Variants in STK11IP observed in about 807,000 individuals in gnomAD.
STK11IP encodes the protein serine/threonine kinase 11 interacting protein.
Under a neutral mutation model 131.7 loss-of-function variants are expected in STK11IP, and 103 were observed. The ratio of observed to expected loss-of-function variants is 0.78; its 90% CI spans 0.67 to 0.92. The LOEUF is 0.92. STK11IP is among the 40% of genes least tolerant of loss of function. STK11IP has a pLI of 0.00. For synonymous variants in STK11IP, 557 were observed against 575.6 expected (o/e 0.97, Z 0.46); for missense variants, 1,315 against 1,385.7 (o/e 0.95, Z 0.81).
rs1047781454 is a variant in STK11IP at position 219,605,693 on chromosome 2, G to A, written c.704G>A (p.Gly235Glu). ...PRMGPSGAAL[G>E]VLILRGNELR... is the part of the protein sequence containing the mutation. ...ATGGGACCCTCAGGGGCTGCTCTGG[G>A]GGTCCTGATACTGCGAGGCAATGAG... is the stretch of plus-strand genomic sequence containing the variant. Residue 235 changes from glycine (G) to glutamate (E), a missense_variant, in exon 8 of 25, where the codon GGG becomes GAG. Coordinates refer to ENST00000456909, the MANE Select transcript of STK11IP (RefSeq NM_052902.4). The A allele has an allele frequency of 6.3e-7, 1 of 1,581,688 alleles. No homozygotes were observed.
Position 219,608,315 on chromosome 2 carries a change from G to C in STK11IP, c.1488G>C (p.Glu496Asp), listed in dbSNP as rs1227237529. 1 of 1,605,506 alleles carries C rather than the reference G, an allele frequency of 6.2e-7. No individual in the cohort carries two copies. Among genetic ancestry groups the C allele is most frequent in the Non-Finnish European group, 8.5e-7 (1 of 1,176,082 alleles). Reference protein sequence around the residue: ...MSEEVRAEPQEEEEEKEGKEE... With the variant: ...MSEEVRAEPQDEEEEKEGKEE... ...AGGAGGTCAGGGCGGAGCCACAGGAGGAGGAAGAGGAGAAGGAGGGGAAGG... is the reference window on the plus strand; with the variant it reads ...AGGAGGTCAGGGCGGAGCCACAGGACGAGGAAGAGGAGAAGGAGGGGAAGG... The change falls in exon 14 of 25, where the codon GAG becomes GAC. Residue 496 changes from glutamate to aspartate, a missense_variant. Transcript: ENST00000456909.
At position 219,615,271 on chromosome 2, in the gene STK11IP, T is replaced by C; in HGVS notation, c.3047T>C (p.Leu1016Pro). 2 of 1,599,778 alleles carry C rather than the reference T, an allele frequency of 1.3e-6. No homozygotes were observed. Among genetic ancestry groups the C allele is most frequent in the South Asian group, 1.1e-5 (1 of 90,006 alleles). The change falls in exon 24 of 25, where the codon CTC becomes CCC. Residue 1016 changes from leucine (L) to proline (P), a missense_variant. Leu to Pro is a moderately conservative substitution (Grantham distance 98, BLOSUM62 -3). Coordinates refer to ENST00000456909, the MANE Select transcript of STK11IP (RefSeq NM_052902.4). ...PAVRVREQQP[L>P]SSLSSVLLYR... ...GTGCGTGTCAGGGAGCAGCAGCCAC[T>C]CAGCAGCCTGAGCTCCGTGCTGCTC... is the stretch of plus-strand genomic sequence containing the variant.
chr2:219,608,701 T>C lies in STK11IP; in HGVS notation c.1722T>C (p.Ala574=), dbSNP rs1373846187. 1.2e-6 allele frequency: 2 copies of C among 1,613,468 alleles called. No homozygotes were observed. Among genetic ancestry groups the C allele is most frequent in the African/African-American group, 2.7e-5 (2 of 74,926 alleles). The part of the protein sequence containing the change: ...AHLFEVELQA[A]RTLERLELQS... ...TGTTTGAGGTGGAACTCCAAGCAGC[T>C]CGCACCTTGGAGCGACTGGAGCTCC... Residue 574 remains alanine (A), a synonymous_variant, in exon 15 of 25, where the codon GCT becomes GCC. Coordinates refer to ENST00000456909, the MANE Select transcript of STK11IP (RefSeq NM_052902.4).
Position 219,613,701 on chromosome 2 carries a change from C to T in STK11IP, c.2538-51C>T. On this transcript the variant is annotated intron_variant, in intron 20 of 24. Transcript: ENST00000456909. Reference sequence around the variant, plus strand: ...CAGCTGGGGCAGGGCCTCTCTGGGACTCTCACTCCACTCTCATGCTTCTCC... The same window carrying T: ...CAGCTGGGGCAGGGCCTCTCTGGGATTCTCACTCCACTCTCATGCTTCTCC... 1.9e-6 allele frequency: 3 copies of T among 1,607,988 alleles called. No individual in the cohort carries two copies. The South Asian group carries it at 3.3e-5, about 18-fold the overall frequency.
In STK11IP at chr2:219,608,100, C is replaced by T. The variant is rs773632792; in HGVS notation, c.1273C>T (p.Arg425Trp). Residue 425 changes from arginine to tryptophan, a missense_variant, in exon 14 of 25, where the codon CGG (arginine) becomes TGG (tryptophan). Physicochemically the swap from Arg to Trp is moderately radical, Grantham distance 101 (BLOSUM62 -3). Transcript: ENST00000456909. ...GGAGCTCATGAGCAGCTTCCGGGAA[C>T]GGTTCGGCCGCAACTGGCTGCAGTA... is the stretch of plus-strand genomic sequence containing the variant. Reference protein sequence around the residue: ...ELELMSSFRERFGRNWLQYRS... With the variant: ...ELELMSSFREWFGRNWLQYRS... 53 of 1,612,918 alleles carry T rather than the reference C, an allele frequency of 3.3e-5. No individual in the cohort carries two copies. The highest frequency in any genetic ancestry group is 9.3e-5 in the African/African-American group (7 of 74,892).
intron 1 of STK11IP, 68 bp from the exon 2 acceptor site, chr2:219,598,026 G>T (rs1697848090): frequency 3.8e-6 from 6 of 1,572,250 alleles, no homozygotes; most frequent in Non-Finnish European, 5.2e-6. Context: ...CTCGGTTTGC[G>T]CGGACGCCCT....
chr2:219,598,119 C>T lies in STK11IP; in HGVS notation c.-1C>T, dbSNP rs538721647. 3.6e-5 allele frequency: 58 copies of T among 1,592,900 alleles called. No individual in the cohort carries two copies. In the East Asian group the frequency reaches 1.3e-3, roughly 36 times the overall value. ...GCTCCGCCCCCCAGCGTCCCGTGGC[C>T]ATGACGACCGCTCAGAGGGACTCCC... On this transcript the variant is annotated 5_prime_UTR_variant, in exon 2 of 25. Transcript: ENST00000456909.
chr2:219,615,613 G>T, intron 24 of STK11IP: 1 of 655,966 alleles, frequency 1.5e-6, no homozygotes, highest in Non-Finnish European at 2.8e-6. Flanking sequence ...GTTTCCGGCA[G>T]CTTTGAGTTG....
At chr2:219,607,024 A>T (rs367932923) in intron 12 of STK11IP, 29 bp from the exon 13 acceptor site, 19 of 1,613,544 alleles carry the variant, frequency 1.2e-5, no homozygotes, top group Non-Finnish European at 1.6e-5. Flanking sequence ...CTTGGCTTTC[A>T]CAGAACTTCT....
chr2:219,608,928 A>C (rs948019360), intron 15 of STK11IP, 140 bp downstream of exon 15: 1 of 1,152,550 alleles, frequency 8.7e-7, no homozygotes, highest in Non-Finnish European at 1.2e-6. Context: ...GGTTGCAAGC[A>C]CTCGGGAAGC....
In STK11IP at chr2:219,607,169, G is replaced by T. The variant is rs372699707; in HGVS notation, c.1219+32G>T. ...CAGCTTCATCCCACTAACCTCTCTCGTCCCCAGCGAGCTCACTCTAATTTT... is the reference window on the plus strand; with the variant it reads ...CAGCTTCATCCCACTAACCTCTCTCTTCCCCAGCGAGCTCACTCTAATTTT... On this transcript the variant is annotated intron_variant, in intron 13 of 24. Transcript: ENST00000456909. 10 of 1,600,678 alleles carry T rather than the reference G, an allele frequency of 6.2e-6. No homozygotes were observed. In the Admixed American group the frequency reaches 1.0e-4, roughly 16 times the overall value.
intron 16 of STK11IP, 51 bp downstream of exon 16, chr2:219,609,264 C>T (rs1559183848): frequency 6.3e-7 from 1 of 1,575,066 alleles, no homozygotes; most frequent in Admixed American, 1.8e-5. Context: ...TTAAGAGAGC[C>T]AGAGGGAAGT....
chr2:219,608,879 C>T (rs1484368116), intron 15 of STK11IP, 91 bp downstream of exon 15: 7 of 1,370,748 alleles, frequency 5.1e-6, no homozygotes. Flanking sequence ...TTCTTTCAGT[C>T]TCTCCTTGGC....
At chr2:219,602,437 G>A in intron 5 of STK11IP, 31 bp from the exon 6 acceptor site, 1 of 1,538,436 alleles carries the variant, frequency 6.5e-7, no homozygotes, top group Non-Finnish European at 9.0e-7. Context: ...AGGGGAGGGT[G>A]GGGTAATGAA....
Position 219,597,888 on chromosome 2 carries a change from A to C in STK11IP, c.-62A>C, listed in dbSNP as rs1353394909. 8.1e-6 allele frequency: 13 copies of C among 1,609,170 alleles called. No individual in the cohort carries two copies. The African/African-American group carries it at 1.5e-4, about 18-fold the overall frequency. Reference sequence around the variant, plus strand: ...TTTCCATCATTGATAGGCGCCGGGCAGCTGAGCTGGTAGGAGGACCAGACG... The same window carrying C: ...TTTCCATCATTGATAGGCGCCGGGCCGCTGAGCTGGTAGGAGGACCAGACG... On this transcript the variant is annotated 5_prime_UTR_variant, in exon 1 of 25. Transcript: ENST00000456909.
At chr2:219,608,886 T>C in intron 15 of STK11IP, 98 bp downstream of exon 15, 2 of 1,323,708 alleles carry the variant, frequency 1.5e-6, no homozygotes, top group Non-Finnish European at 2.0e-6. Context: ...AGTCTCTCCT[T>C]GGCACTAGGA....
rs766531848 is a variant in STK11IP at position 219,615,247 on chromosome 2, T to C, written c.3023T>C (p.Val1008Ala). The C allele has an allele frequency of 9.4e-6, 15 of 1,597,052 alleles. No individual in the cohort carries two copies. Among genetic ancestry groups the C allele is most frequent in the Non-Finnish European group, 1.3e-5 (15 of 1,176,896 alleles). The change falls in exon 24 of 25, where the codon GTG becomes GCG. Residue 1008 changes from valine (V) to alanine (A), a missense_variant. Coordinates refer to ENST00000456909, the MANE Select transcript of STK11IP (RefSeq NM_052902.4). ...CCTCCCTCGGGGCCGGGCCCTGCTG[T>C]GCGTGTCAGGGAGCAGCAGCCACTC... ...KVPPSGPGPA[V>A]RVREQQPLSS...
At chr2:219,607,958 C>A in intron 13 of STK11IP, 89 bp from the exon 14 acceptor site, 1 of 1,518,696 alleles carries the variant, frequency 6.6e-7, no homozygotes, top group African/African-American at 1.4e-5. Flanking sequence ...CAGCCCATCG[C>A]CCCCTCATCG....
intron 24 of STK11IP, chr2:219,615,611 C>T: frequency 1.5e-6 from 1 of 653,292 alleles, no homozygotes; most frequent in Non-Finnish European, 2.8e-6. Flanking sequence ...AGGTTTCCGG[C>T]AGCTTTGAGT....
Sources: gnomAD v4.1 joint callset for allele counts on GRCh38, gnomAD v4.1.1 for gene constraint, MANE v1.5 for transcripts, NCBI Gene and HGNC (gene_info 2026-07-23, HGNC 2026-07-21) for gene names.